The following RORA variants were observed in gnomAD, a reference collection of about 807,000 sequenced individuals.
The protein encoded by RORA is RAR related orphan receptor A.
Under a neutral mutation model 69.5 loss-of-function variants are expected in RORA, and 7 were observed. The ratio of observed to expected loss-of-function variants is 0.10; its 90% CI spans 0.06 to 0.19. RORA has a LOEUF of 0.19. Among genes scored for constraint, RORA ranks in the 10% least tolerant of loss-of-function variants. The pLI is 1.00. For synonymous variants in RORA, 261 were observed against 240.8 expected (o/e 1.08, Z -0.78); for missense variants, 457 against 663.0 (o/e 0.69, Z 3.41).
chr15:60,633,573 T>C (rs2069780609), intron 2 of RORA, among the ~76,000 whole-genome samples: 1 of 152,168 alleles, frequency 6.6e-6, no homozygotes, highest in Non-Finnish European at 1.5e-5. Context: ...ATACAGGTAA[T>C]TGAGCCTCCT....
At chr15:60,764,560 C>G (rs1225909340) in intron 1 of RORA, among the ~76,000 whole-genome samples, 1 of 151,960 alleles carries the variant, frequency 6.6e-6, no homozygotes, top group Non-Finnish European at 1.5e-5. Flanking sequence ...TTTGGCTTCT[C>G]CAGCTGAAAA....
intron 2 of RORA, among the ~76,000 whole-genome samples, chr15:60,628,932 G>T (rs529478305): frequency 1.3e-5 from 2 of 152,246 alleles, no homozygotes; most frequent in South Asian, 2.1e-4. Flanking sequence ...GTTTAGAGAG[G>T]CCCGTTTTAG....
At chr15:60,970,059 G>A (rs970137045) in intron 1 of RORA, among the ~76,000 whole-genome samples, 1 of 152,164 alleles carries the variant, frequency 6.6e-6, no homozygotes, top group African/African-American at 2.4e-5. Flanking sequence ...GAGGTCCTGT[G>A]AGCACACAGC....
intron 2 of RORA, chr15:60,544,743 A>C (rs1340243366): frequency 6.6e-6 from 1 of 152,216 alleles, no homozygotes; most frequent in Non-Finnish European, 1.5e-5. Context: ...CAATAGAGGC[A>C]AAGCCCACAG....
chr15:61,133,817 C>A (rs2079213374), intron 1 of RORA, among the ~76,000 whole-genome samples: 1 of 152,178 alleles, frequency 6.6e-6, no homozygotes, highest in Non-Finnish European at 1.5e-5. Context: ...CACCCCCTTA[C>A]CTTTTCTAAC....
At chr15:61,001,435 A>G (rs1426686677) in intron 1 of RORA, among the ~76,000 whole-genome samples, 2 of 152,236 alleles carry the variant, frequency 1.3e-5, no homozygotes, top group Non-Finnish European at 2.9e-5. Context: ...GAGGAAGAAA[A>G]CTAACGTGAT....
At chr15:61,175,239 G>A (rs2079617424) in intron 1 of RORA, among the ~76,000 whole-genome samples, 2 of 152,114 alleles carry the variant, frequency 1.3e-5, no homozygotes, top group Non-Finnish European at 2.9e-5. Flanking sequence ...CTGTGTCCAT[G>A]GTCCTGAAAA....
chr15:60,637,684 T>G (rs1299437796), intron 2 of RORA, among the ~76,000 whole-genome samples: 1 of 152,196 alleles, frequency 6.6e-6, no homozygotes, highest in East Asian at 1.9e-4. Context: ...TATATATGTA[T>G]TCTATTGACA....
intron 2 of RORA, chr15:60,615,084 G>C: frequency 6.3e-7 from 1 of 1,581,462 alleles, no homozygotes; most frequent in Non-Finnish European, 8.6e-7. Context: ...CTGCTTCCTA[G>C]AACCTGGTGG....
chr15:60,597,562 ATATATATATAT>A (rs1433883357), intron 2 of RORA, among the ~76,000 whole-genome samples: 4 of 33,832 alleles, frequency 1.2e-4, no homozygotes, highest in African/African-American at 6.4e-4. Context: ...ATATATATAT[ATATATATATAT>A]ACACATATAT....
intron 1 of RORA, among the ~76,000 whole-genome samples, chr15:60,798,097 C>A (rs1463635488): frequency 6.6e-6 from 1 of 151,942 alleles, no homozygotes; most frequent in Non-Finnish European, 1.5e-5. Flanking sequence ...AAGTTTCCGT[C>A]TGGCAATAGT....
chr15:61,036,394 G>C (rs1041046234), intron 1 of RORA, among the ~76,000 whole-genome samples: 1 of 152,148 alleles, frequency 6.6e-6, no homozygotes, highest in Non-Finnish European at 1.5e-5. Context: ...AAAGCACAAA[G>C]CAGGATATGT....
chr15:60,571,480 A>G (rs1013630507), intron 2 of RORA, among the ~76,000 whole-genome samples: 1 of 152,238 alleles, frequency 6.6e-6, no homozygotes, highest in Non-Finnish European at 1.5e-5. Context: ...AGAAATGAAT[A>G]GCCTAGTTTT....
Position 61,120,515 on chromosome 15 carries a change from C to T in RORA, c.166+108538G>A, listed in dbSNP as rs916535131. On this transcript the variant is annotated intron_variant, in intron 1 of 10. Transcript: ENST00000335670. ...GAGATCGAGACCACCCTGGCTAACA[C>T]GATGAAACCCCGTCTCTACTAAAAA... Among the ~76,000 whole-genome samples the T allele has an allele frequency of 7.9e-5, 12 of 151,942 alleles. No homozygotes were observed. In the East Asian group the frequency reaches 2.0e-3, roughly 25 times the overall value.
chr15:61,035,855 A>C (rs1327535423), intron 1 of RORA, among the ~76,000 whole-genome samples: 1 of 152,210 alleles, frequency 6.6e-6, no homozygotes, highest in Admixed American at 6.5e-5. Flanking sequence ...AAATCTATTA[A>C]CCCATAGGCA....
intron 1 of RORA, among the ~76,000 whole-genome samples, chr15:61,076,539 T>C (rs1439940859): frequency 1.3e-5 from 2 of 152,222 alleles, no homozygotes; most frequent in Non-Finnish European, 2.9e-5. Context: ...CATAGAAAGA[T>C]AAGACTACCA....
chr15:60,835,182 C>T (rs1320313224), intron 1 of RORA, among the ~76,000 whole-genome samples: 1 of 152,184 alleles, frequency 6.6e-6, no homozygotes, highest in Non-Finnish European at 1.5e-5. Context: ...TTGGCTGCAT[C>T]TGCACAAAGT....
chr15:61,179,921 G>A (rs1033029172), intron 1 of RORA, among the ~76,000 whole-genome samples: 1 of 151,698 alleles, frequency 6.6e-6, no homozygotes, highest in Non-Finnish European at 1.5e-5. Flanking sequence ...CAGATCACCT[G>A]AGGTCAGGAG....
intron 1 of RORA, among the ~76,000 whole-genome samples, chr15:60,938,435 G>A (rs1013589003): frequency 6.1e-4 from 93 of 152,320 alleles, no homozygotes; most frequent in African/African-American, 2.2e-3. Flanking sequence ...ACCTGTGAAG[G>A]TGGTGGCCAG....
Sources: gnomAD v4.1 joint callset for allele counts (sites outside exome capture counted in the v4.1 genomes callset) on GRCh38, gnomAD v4.1.1 for gene constraint, MANE v1.5 for transcripts, NCBI Gene and HGNC (gene_info 2026-07-23, HGNC 2026-07-21) for gene names.